The following SSTR2 variants were observed in gnomAD, a reference collection of about 807,000 sequenced individuals.
SSTR2 encodes somatostatin receptor 2.
Under a neutral mutation model 21.4 loss-of-function variants are expected in SSTR2, and 10 were observed. That is an observed-to-expected ratio of 0.47 (90% confidence interval 0.29 to 0.79). The LOEUF (loss-of-function observed/expected upper bound fraction) is 0.79, where lower values mean the gene tolerates loss of function less well. Ranked by LOEUF, SSTR2 falls within the 30% of genes least tolerant of loss-of-function variation. The pLI, the probability that SSTR2 is intolerant of heterozygous loss-of-function variation, is 0.10. For synonymous variants in SSTR2, 177 were observed against 181.3 expected, an observed-to-expected ratio of 0.98 and a Z score of 0.19; for missense variants, 364 against 468.8, an observed-to-expected ratio of 0.78 and a Z score of 2.06.
chr17:73,165,509 G>A (rs749323182), intron 1 of SSTR2, among the ~76,000 whole-genome samples: 9 of 152,114 alleles, frequency 5.9e-5, no homozygotes, highest in Non-Finnish European at 5.9e-5. Context: ...CCTTGCCTGA[G>A]TAAGGGGGCT....
In SSTR2 at chr17:73,169,223, T is replaced by C. The variant is rs945053259; in HGVS notation, c.-92-5T>C. The C allele has an allele frequency of 7.1e-7, 1 of 1,417,462 alleles. No individual in the cohort carries two copies. 87.8% of individuals were successfully genotyped at this position (1,417,462 alleles called of 1,614,324 possible). ...GACGGGCCAATCTTCCTCTTTTCCT[T>C]CCAGATGTCACACTGGATCCTTGGC... On this transcript the variant is annotated splice_region_variant and splice_polypyrimidine_tract_variant and intron_variant, in intron 1 of 1. Coordinates refer to ENST00000357585, the MANE Select transcript of SSTR2 (RefSeq NM_001050.3). This position sits in a 1 kb window ranked among gnomAD's most constrained non-coding sequence, Gnocchi z 5.2.
At position 73,170,490 on chromosome 17, in the gene SSTR2, CCCACACT is replaced by C; in HGVS notation, c.*62_*68del. 1.3e-6 allele frequency: 2 copies of C among 1,578,956 alleles called. No individual in the cohort carries two copies. Among genetic ancestry groups the C allele is most frequent in the Admixed American group, 1.8e-5 (1 of 57,100 alleles). ...CTGTCTACTGGCAATGGGCTCCCTACCCACACTGGCTTCCTGCCTCCCACCCCTCACA... is the reference window on the plus strand; with the variant it reads ...CTGTCTACTGGCAATGGGCTCCCTACGGCTTCCTGCCTCCCACCCCTCACA... On this transcript the variant is annotated 3_prime_UTR_variant, in exon 2 of 2. Transcript: ENST00000357585.
chr17:73,174,894 CAAA>C lies in SSTR2; in HGVS notation c.*4467_*4469del, dbSNP rs2061245076. ...TGTAATTCTTTACTGTAGAACAGCTCAAAATATCAGTTCTGTTTTAAGTAACAG... is the reference window on the plus strand; with the variant it reads ...TGTAATTCTTTACTGTAGAACAGCTCATATCAGTTCTGTTTTAAGTAACAG... On this transcript the variant is annotated 3_prime_UTR_variant, in exon 2 of 2. Transcript: ENST00000357585. The C allele has an allele frequency of 6.5e-6, 1 of 152,908 alleles. No homozygotes were observed. The allele number at this position is 152,908 out of a possible 1,614,324, so 9.5% of individuals were successfully genotyped here. A position where few individuals can be genotyped will look rare whatever the true frequency, so the allele number is the denominator to read the frequency against.
chr17:73,169,737 C>A lies in SSTR2; in HGVS notation c.418C>A (p.Arg140=), dbSNP rs887543051. ...CTGCCTGACAGTCATGAGCATCGAC[C>A]GATACCTGGCTGTGGTCCACCCCAT... ...IFCLTVMSID[R]YLAVVHPIKS... Residue 140 remains arginine, a synonymous_variant, in exon 2 of 2, where the codon CGA becomes AGA. Transcript: ENST00000357585. The surrounding 1 kb of genome is among the most constrained non-coding windows in gnomAD (Gnocchi z 5.2). 1 of 1,614,186 alleles carries A rather than the reference C, an allele frequency of 6.2e-7. No individual in the cohort carries two copies. The highest frequency in any genetic ancestry group is 1.7e-5 in the Admixed American group (1 of 60,014).
In SSTR2 at chr17:73,171,344, T is replaced by G. The variant is rs1208490595; in HGVS notation, c.*915T>G. 1.8e-5 allele frequency: 3 copies of G among 166,496 alleles called. No homozygotes were observed. Among genetic ancestry groups the G allele is most frequent in the Non-Finnish European group, 2.9e-5 (2 of 68,128 alleles). The allele number at this position is 166,496 out of a possible 1,614,324, so 10.3% of individuals were successfully genotyped here. A position where few individuals can be genotyped will look rare whatever the true frequency, so the allele number is the denominator to read the frequency against. On this transcript the variant is annotated 3_prime_UTR_variant, in exon 2 of 2. Coordinates refer to ENST00000357585, the MANE Select transcript of SSTR2 (RefSeq NM_001050.3). ...GTTATAAGATTGCATTTTTTTCTTT[T>G]CAAATTGCTTTAGTTTTTCTTAGGG...
chr17:73,170,103 G>A lies in SSTR2; in HGVS notation c.784G>A (p.Val262Met), dbSNP rs2061229040. The change falls in exon 2 of 2, where the codon GTG becomes ATG. Residue 262 changes from valine (V) to methionine (M), a missense_variant. Transcript: ENST00000357585. ...KKVTRMVSIVVAVFIFCWLPF... is the reference protein window; with the variant it reads ...KKVTRMVSIVMAVFIFCWLPF... ...GGTCACCCGAATGGTGTCCATCGTG[G>A]TGGCTGTCTTCATCTTCTGCTGGCT... 6.2e-7 allele frequency: 1 copy of A among 1,614,044 alleles called. No individual in the cohort carries two copies. The highest frequency in any genetic ancestry group is 1.7e-5 in the Admixed American group (1 of 59,996).
At position 73,169,273 on chromosome 17, in the gene SSTR2, T is replaced by A. The variant is rs540965976; in HGVS notation, c.-47T>A. Reference sequence around the variant, plus strand: ...CCTCCAGGGTCCATTAAGGTGAGAATAAGATCTCTGGGCTGGCTGGAACTA... The same window carrying A: ...CCTCCAGGGTCCATTAAGGTGAGAAAAAGATCTCTGGGCTGGCTGGAACTA... On this transcript the variant is annotated 5_prime_UTR_variant, in exon 2 of 2. Coordinates refer to ENST00000357585, the MANE Select transcript of SSTR2 (RefSeq NM_001050.3). This position sits in a 1 kb window ranked among gnomAD's most constrained non-coding sequence, Gnocchi z 5.2. 131 of 1,573,104 alleles carry A rather than the reference T, an allele frequency of 8.3e-5. No individual in the cohort carries two copies. The highest frequency in any genetic ancestry group is 1.4e-4 in the Admixed American group (8 of 56,300).
At chr17:73,165,574 T>C (rs2061213499) in intron 1 of SSTR2, among the ~76,000 whole-genome samples, 1 of 151,990 alleles carries the variant, frequency 6.6e-6, no homozygotes, top group South Asian at 2.1e-4. Context: ...CCCGTGTGCG[T>C]GGCGTGTGCC....
In SSTR2 at chr17:73,175,230, A is replaced by T. The variant is rs937332963; in HGVS notation, c.*4801A>T. On this transcript the variant is annotated 3_prime_UTR_variant, in exon 2 of 2. Transcript: ENST00000357585. ...AAATGTTCTGTCAGAGTAAACCTTT[A>T]CCTAAGTGCTTGTTTTGCTTTTAAT... The T allele has an allele frequency of 3.9e-5, 6 of 151,986 alleles. No homozygotes were observed. Among genetic ancestry groups the T allele is most frequent in the African/African-American group, 1.4e-4 (6 of 41,440 alleles). 9.4% of individuals were successfully genotyped at this position (151,986 alleles called of 1,614,324 possible).
intron 1 of SSTR2, among the ~76,000 whole-genome samples, chr17:73,167,530 A>G (rs714925): frequency 0.3 from 45,564 of 152,048 alleles, 7,173 homozygotes; most frequent in Non-Finnish European, 0.35. Context: ...GTGTCAGCCA[A>G]GTGAATTAGT....
At position 73,171,265 on chromosome 17, in the gene SSTR2, A is replaced by T. The variant is rs538434944; in HGVS notation, c.*836A>T. On this transcript the variant is annotated 3_prime_UTR_variant, in exon 2 of 2. Coordinates refer to ENST00000357585, the MANE Select transcript of SSTR2 (RefSeq NM_001050.3). ...GAGAATTATTCATTTGCCCAAAAGG[A>T]CTTAAGTGGTTGTGGTCATCCATCA... 1.8e-5 allele frequency: 3 copies of T among 167,340 alleles called. No homozygotes were observed. The highest frequency in any genetic ancestry group is 6.5e-5 in the Admixed American group (1 of 15,352). The allele number at this position is 167,340 out of a possible 1,614,324, so 10.4% of individuals were successfully genotyped here.
rs1293241763 is a variant in SSTR2, at chr17:73,173,909, A to G, written c.*3480A>G. On this transcript the variant is annotated 3_prime_UTR_variant, in exon 2 of 2. Coordinates refer to ENST00000357585, the MANE Select transcript of SSTR2 (RefSeq NM_001050.3). ...TTTGGGAGGCTGAGGCGGGTGGATTACCTGAGGTCAGGAGTTCAAGACCAG... is the reference window on the plus strand; with the variant it reads ...TTTGGGAGGCTGAGGCGGGTGGATTGCCTGAGGTCAGGAGTTCAAGACCAG... 1 of 151,920 alleles carries G rather than the reference A, an allele frequency of 6.6e-6. No individual in the cohort carries two copies. Among genetic ancestry groups the G allele is most frequent in the African/African-American group, 2.4e-5 (1 of 41,316 alleles). 9.4% of individuals were successfully genotyped at this position (151,920 alleles called of 1,614,324 possible).
In SSTR2 at chr17:73,169,691, C is replaced by T; in HGVS notation, c.372C>T (p.Ile124=). 1 of 1,614,228 alleles carries T rather than the reference C, an allele frequency of 6.2e-7. No homozygotes were observed. The highest frequency in any genetic ancestry group is 8.5e-7 in the Non-Finnish European group (1 of 1,180,044). Reference sequence around the variant, plus strand: ...GGGTGGTCATGACTGTGGATGGCATCAATCAGTTCACCAGCATCTTCTGCC... The same window carrying T: ...GGGTGGTCATGACTGTGGATGGCATTAATCAGTTCACCAGCATCTTCTGCC... ...ICRVVMTVDG[I]NQFTSIFCLT... Residue 124 remains isoleucine, a synonymous_variant, in exon 2 of 2, where the codon ATC becomes ATT. Coordinates refer to ENST00000357585, the MANE Select transcript of SSTR2 (RefSeq NM_001050.3). The surrounding 1 kb of genome is among the most constrained non-coding windows in gnomAD (Gnocchi z 5.2).
chr17:73,167,637 C>G (rs1302033123), intron 1 of SSTR2, among the ~76,000 whole-genome samples: 1 of 152,150 alleles, frequency 6.6e-6, no homozygotes, highest in Non-Finnish European at 1.5e-5. Flanking sequence ...TACCCAAGAC[C>G]CAGCTCAAAC....
At chr17:73,167,361 G>C (rs1295967506) in intron 1 of SSTR2, among the ~76,000 whole-genome samples, 2 of 152,140 alleles carry the variant, frequency 1.3e-5, no homozygotes, top group African/African-American at 4.8e-5. Flanking sequence ...CAATGCACCT[G>C]GCAGTTCAGA....
rs1254207088 is a variant in SSTR2 at position 73,176,160 on chromosome 17, T to C, written c.*5731T>C. The C allele has an allele frequency of 6.6e-6, 1 of 152,240 alleles. No homozygotes were observed. Among genetic ancestry groups the C allele is most frequent in the Non-Finnish European group, 1.5e-5 (1 of 68,056 alleles). The allele number at this position is 152,240 out of a possible 1,614,324, so 9.4% of individuals were successfully genotyped here. ...TGCAGCCAGGGAGCAGCCATGCTTC[T>C]TCTGCCCTCCCAGTAGGCTGGGCTA... On this transcript the variant is annotated 3_prime_UTR_variant, in exon 2 of 2. Coordinates refer to ENST00000357585, the MANE Select transcript of SSTR2 (RefSeq NM_001050.3).
rs772358674 is a variant in SSTR2, at chr17:73,169,463, C to A, written c.144C>A (p.Phe48Leu). ...YDLTSNAVLT[F>L]IYFVVCIIGL... ...TGACAAGCAATGCAGTCCTCACATT[C>A]ATCTATTTTGTGGTCTGCATCATTG... is the stretch of plus-strand genomic sequence containing the variant. The change falls in exon 2 of 2, where the codon TTC becomes TTA. Residue 48 changes from phenylalanine (F) to leucine (L), a missense_variant. By Grantham distance (22) the Phe-to-Leu change is conservative. Transcript: ENST00000357585. The surrounding 1 kb of genome is among the most constrained non-coding windows in gnomAD (Gnocchi z 5.2). The A allele has an allele frequency of 5.6e-6, 9 of 1,614,122 alleles. No individual in the cohort carries two copies. The highest frequency in any genetic ancestry group is 2.2e-5 in the East Asian group (1 of 44,900).
Position 73,169,781 on chromosome 17 carries a change from G to A in SSTR2, c.462G>A (p.Arg154=). ...VVHPIKSAKW[R]RPRTAKMITM... ...ACCCCATCAAGTCGGCCAAGTGGAG[G>A]AGACCCCGGACGGCCAAGATGATCA... Residue 154 remains arginine (R), a synonymous_variant, in exon 2 of 2, where the codon AGG becomes AGA. Coordinates refer to ENST00000357585, the MANE Select transcript of SSTR2 (RefSeq NM_001050.3). The surrounding 1 kb of genome is among the most constrained non-coding windows in gnomAD (Gnocchi z 5.2). 1 of 1,614,214 alleles carries A rather than the reference G, an allele frequency of 6.2e-7. No homozygotes were observed.
At chr17:73,166,962 TAGAC>T (rs1485551136) in intron 1 of SSTR2, among the ~76,000 whole-genome samples, 2 of 152,170 alleles carry the variant, frequency 1.3e-5, no homozygotes, top group African/African-American at 4.8e-5. Flanking sequence ...CAAAAGCTCT[TAGAC>T]AGGGGCTCTG....
Sources: allele counts gnomAD v4.1 joint callset (sites outside exome capture counted in the v4.1 genomes callset), GRCh38; gene constraint gnomAD v4.1.1; non-coding constraint Gnocchi (gnomAD v3.1); transcripts MANE v1.5; gene names NCBI Gene and HGNC (gene_info 2026-07-23, HGNC 2026-07-21).